The following PSMB4 variants were observed in gnomAD, a reference collection of about 807,000 sequenced individuals.
PSMB4 encodes proteasome subunit beta type-4.
In PSMB4, 16 loss-of-function variants were observed where a neutral mutation model predicts 35.2. That is an observed-to-expected ratio of 0.45 (90% CI 0.31 to 0.69). The LOEUF is 0.69. PSMB4 is among the 30% of genes least tolerant of loss of function. PSMB4 has a pLI of 0.06. For synonymous variants in PSMB4, 144 were observed against 134.1 expected (o/e 1.07, Z -0.51); for missense variants, 333 against 351.8 (o/e 0.95, Z 0.43).
chr1:151,401,142 C>A, intron 4 of PSMB4, 97 bp from the exon 5 acceptor site: 2 of 1,053,054 alleles, frequency 1.9e-6, no homozygotes, highest in South Asian at 1.3e-5. Context: ...AGTAGAATGT[C>A]ATCTTTCACT....
Position 151,401,245 on chromosome 1 carries a change from C to T in PSMB4, c.583C>T (p.Leu195=), listed in dbSNP as rs766279607. The change falls in exon 5 of 7, where the codon CTG becomes TTG. Residue 195 remains leucine (L), a synonymous_variant. Coordinates refer to ENST00000290541, the MANE Select transcript of PSMB4 (RefSeq NM_002796.3). The part of the protein sequence containing the change: ...GYGAYLAQPL[L]REVLEKQPVL... ...TTTCCCCCAATCTCCCTAGCCTCTG[C>T]TGCGAGAAGTTCTGGAGAAGCAGCC... 5 of 1,613,958 alleles carry T rather than the reference C, an allele frequency of 3.1e-6. No homozygotes were observed. Among genetic ancestry groups the T allele is most frequent in the East Asian group, 2.2e-5 (1 of 44,908 alleles).
chr1:151,400,235 G>A (rs1652766204), intron 2 of PSMB4, 48 bp downstream of exon 2: 1 of 1,586,662 alleles, frequency 6.3e-7, no homozygotes, highest in Non-Finnish European at 8.7e-7. Flanking sequence ...AGAGAGGGGA[G>A]TCCCCTGTTT....
In PSMB4 at chr1:151,401,898, A is replaced by G. The variant is rs1235395979; in HGVS notation, c.*69A>G. Reference sequence around the variant, plus strand: ...CTTTGAACTTGGCTAGTTCAAAGATAGACTCTTCTTTTGTAAAGTAAATAA... The same window carrying G: ...CTTTGAACTTGGCTAGTTCAAAGATGGACTCTTCTTTTGTAAAGTAAATAA... On this transcript the variant is annotated 3_prime_UTR_variant, in exon 7 of 7. Transcript: ENST00000290541. 9 of 1,423,698 alleles carry G rather than the reference A, an allele frequency of 6.3e-6. No homozygotes were observed. The highest frequency in any genetic ancestry group is 8.9e-6 in the Non-Finnish European group (9 of 1,011,840). 88.2% of individuals were successfully genotyped at this position (1,423,698 alleles called of 1,614,324 possible). A position where few individuals can be genotyped will look rare whatever the true frequency, so the allele number is the denominator to read the frequency against.
Position 151,401,854 on chromosome 1 carries a change from G to A in PSMB4, c.*25G>A. 2 of 1,604,202 alleles carry A rather than the reference G, an allele frequency of 1.2e-6. No homozygotes were observed. Among genetic ancestry groups the A allele is most frequent in the Non-Finnish European group, 1.7e-6 (2 of 1,171,222 alleles). ...AAATACAGATGCATTATCCAGAACTGAAGTTGCCCTACTTTTAACTTTGAA... is the reference window on the plus strand; with the variant it reads ...AAATACAGATGCATTATCCAGAACTAAAGTTGCCCTACTTTTAACTTTGAA... On this transcript the variant is annotated 3_prime_UTR_variant, in exon 7 of 7. Coordinates refer to ENST00000290541, the MANE Select transcript of PSMB4 (RefSeq NM_002796.3).
chr1:151,401,123 G>A, intron 4 of PSMB4, 116 bp from the exon 5 acceptor site: 1 of 943,182 alleles, frequency 1.1e-6, no homozygotes, highest in Non-Finnish European at 1.7e-6. Context: ...TCATTCTGGT[G>A]AGGCAAGAAG....
rs774149458 is a variant in PSMB4, at chr1:151,399,575, T to C, written c.-13T>C. 10 of 1,595,550 alleles carry C rather than the reference T, an allele frequency of 6.3e-6. No individual in the cohort carries two copies. The highest frequency in any genetic ancestry group is 7.7e-6 in the Non-Finnish European group (9 of 1,173,742). ...GCGCAAGCGCTTTCATTTTTTCTGC[T>C]ACCGTGACTAAGATGGAAGCGTTTT... On this transcript the variant is annotated 5_prime_UTR_variant, in exon 1 of 7. Coordinates refer to ENST00000290541, the MANE Select transcript of PSMB4 (RefSeq NM_002796.3).
intron 6 of PSMB4, 81 bp downstream of exon 6, chr1:151,401,711 C>A: frequency 6.5e-7 from 1 of 1,544,518 alleles, no homozygotes; most frequent in Non-Finnish European, 8.9e-7. Flanking sequence ...GGAGGCTCAC[C>A]CAGGAAAATT....
At position 151,400,528 on chromosome 1, in the gene PSMB4, G is replaced by T; in HGVS notation, c.434G>T (p.Arg145Leu). Residue 145 changes from arginine to leucine, a missense_variant, in exon 3 of 7, where the codon CGC becomes CTC. Arg to Leu is a moderately radical substitution (Grantham distance 102, BLOSUM62 -2). Coordinates refer to ENST00000290541, the MANE Select transcript of PSMB4 (RefSeq NM_002796.3). The part of the protein sequence containing the change: ...SWLTRAMYSR[R>L]SKMNPLWNTM... Reference sequence around the variant, plus strand: ...CTGACCAGGGCCATGTACAGCCGGCGCTCGAAGATGAACCCTTTGTGGAAC... The same window carrying T: ...CTGACCAGGGCCATGTACAGCCGGCTCTCGAAGATGAACCCTTTGTGGAAC... 6.2e-7 allele frequency: 1 copy of T among 1,614,116 alleles called. No homozygotes were observed. The highest frequency in any genetic ancestry group is 8.5e-7 in the Non-Finnish European group (1 of 1,180,030).
At chr1:151,399,839 C>T (rs1652754491) in intron 1 of PSMB4, 112 bp downstream of exon 1, 1 of 1,579,430 alleles carries the variant, frequency 6.3e-7, no homozygotes, top group Admixed American at 1.7e-5. Context: ...GGCGCGCGAA[C>T]GGCAGGGGAG....
Position 151,400,148 on chromosome 1 carries a change from C to G in PSMB4, c.308C>G (p.Ala103Gly), listed in dbSNP as rs769879926. Reference sequence around the variant, plus strand: ...ATGCTGGGTGCCTCTGGCGACTACGCTGATTTCCAGTATTTGAAGCAAGTT... The same window carrying G: ...ATGCTGGGTGCCTCTGGCGACTACGGTGATTTCCAGTATTTGAAGCAAGTT... Reference protein sequence around the residue: ...STMLGASGDYADFQYLKQVLG... With the variant: ...STMLGASGDYGDFQYLKQVLG... Residue 103 changes from alanine (A) to glycine (G), a missense_variant, in exon 2 of 7, where the codon GCT (alanine) becomes GGT (glycine). Coordinates refer to ENST00000290541, the MANE Select transcript of PSMB4 (RefSeq NM_002796.3). The G allele has an allele frequency of 3.1e-6, 5 of 1,614,046 alleles. No homozygotes were observed. The highest frequency in any genetic ancestry group is 2.2e-5 in the South Asian group (2 of 91,084).
chr1:151,400,197 C>T lies in PSMB4; in HGVS notation c.347+10C>T, dbSNP rs775856106. ...TTCTCGGCCAGATGGTGTAAGTCAT[C>T]CAGAGAACAGGAGAGTGGTTCCCAA... On this transcript the variant is annotated intron_variant, in intron 2 of 6. Coordinates refer to ENST00000290541, the MANE Select transcript of PSMB4 (RefSeq NM_002796.3). 5 of 1,612,982 alleles carry T rather than the reference C, an allele frequency of 3.1e-6. No homozygotes were observed. The highest frequency in any genetic ancestry group is 4.2e-6 in the Non-Finnish European group (5 of 1,179,042).
At chr1:151,400,335 T>G in intron 2 of PSMB4, 107 bp from the exon 3 acceptor site, 1 of 1,488,706 alleles carries the variant, frequency 6.7e-7, no homozygotes, top group East Asian at 2.3e-5. Context: ...GCAATAAAGT[T>G]TTTGGCATTA....
At position 151,401,617 on chromosome 1, in the gene PSMB4, GC is replaced by G. The variant is rs753315790; in HGVS notation, c.772del (p.His258ThrfsTer2). Reference sequence around the variant, plus strand: ...GTCTACAGAGACCAACTGGGATATTGCCCACATGATCAGGTGAGTAATAGGG... The same window carrying G: ...GTCTACAGAGACCAACTGGGATATTGCCACATGATCAGGTGAGTAATAGGG... ...PLSTETNWDI[A>X]HMISGFE On this transcript the variant is annotated frameshift_variant, in exon 6 of 7. Coordinates refer to ENST00000290541, the MANE Select transcript of PSMB4 (RefSeq NM_002796.3). LOFTEE classifies it high-confidence loss of function. 1.9e-6 allele frequency: 3 copies of G among 1,607,614 alleles called. No homozygotes were observed. Among genetic ancestry groups the G allele is most frequent in the Admixed American group, 3.3e-5 (2 of 59,990 alleles).
chr1:151,401,321 T>C lies in PSMB4; in HGVS notation c.659T>C (p.Val220Ala). 6.2e-7 allele frequency: 1 copy of C among 1,614,024 alleles called. No homozygotes were observed. The highest frequency in any genetic ancestry group is 8.5e-7 in the Non-Finnish European group (1 of 1,180,010). The change falls in exon 5 of 7, where the codon GTG becomes GCG. Residue 220 changes from valine (V) to alanine (A), a missense_variant. By Grantham distance (64) the Val-to-Ala change is moderately conservative. Coordinates refer to ENST00000290541, the MANE Select transcript of PSMB4 (RefSeq NM_002796.3). ...GACTTAGTAGAACGCTGCATGCGAG[T>C]GCTGTACTACCGAGATGCCCGTTCT... ...ARDLVERCMR[V>A]LYYRDARSYN... is the part of the protein sequence containing the mutation.
chr1:151,401,323 C>T lies in PSMB4; in HGVS notation c.661C>T (p.Leu221=). ...CTTAGTAGAACGCTGCATGCGAGTG[C>T]TGTACTACCGAGATGCCCGTTCTTA... ...RDLVERCMRV[L]YYRDARSYNR... is the part of the protein sequence containing the mutation. The change falls in exon 5 of 7, where the codon CTG becomes TTG. Residue 221 remains leucine, a synonymous_variant. Coordinates refer to ENST00000290541, the MANE Select transcript of PSMB4 (RefSeq NM_002796.3). 6.2e-7 allele frequency: 1 copy of T among 1,614,138 alleles called. No individual in the cohort carries two copies. The highest frequency in any genetic ancestry group is 8.5e-7 in the Non-Finnish European group (1 of 1,180,022).
In PSMB4 at chr1:151,400,817, C is replaced by T. The variant is rs748519387; in HGVS notation, c.548C>T (p.Ala183Val). The change falls in exon 4 of 7, where the codon GCC (alanine) becomes GTC (valine). Residue 183 changes from alanine (A) to valine (V), a missense_variant. Coordinates refer to ENST00000290541, the MANE Select transcript of PSMB4 (RefSeq NM_002796.3). Reference protein sequence around the residue: ...LGVAYEAPSLATGYGAYLAQP... With the variant: ...LGVAYEAPSLVTGYGAYLAQP... ...GTAGCCTATGAAGCCCCTTCGCTGGCCACTGGTTATGGTGCATACTTGGCT... is the reference window on the plus strand; with the variant it reads ...GTAGCCTATGAAGCCCCTTCGCTGGTCACTGGTTATGGTGCATACTTGGCT... The T allele has an allele frequency of 1.9e-6, 3 of 1,614,136 alleles. No homozygotes were observed. The South Asian group carries it at 3.3e-5, about 18-fold the overall frequency.
intron 6 of PSMB4, 87 bp from the exon 7 acceptor site, chr1:151,401,730 G>A: frequency 1.9e-6 from 3 of 1,551,436 alleles, no homozygotes; most frequent in South Asian, 1.1e-5. Flanking sequence ...TTTTCTGGGT[G>A]GAAAGTTTTG....
At position 151,400,083 on chromosome 1, in the gene PSMB4, C is replaced by T. The variant is rs1571304897; in HGVS notation, c.243C>T (p.Phe81=). ...GATCCTACGGCTCCTTGGCTCGTTT[C>T]CGCAACATCTCTCGCATTATGCGAG... The part of the protein sequence containing the change: ...MLGSYGSLAR[F]RNISRIMRVN... Residue 81 remains phenylalanine, a synonymous_variant, in exon 2 of 7, where the codon TTC becomes TTT. Coordinates refer to ENST00000290541, the MANE Select transcript of PSMB4 (RefSeq NM_002796.3). 6.2e-7 allele frequency: 1 copy of T among 1,614,028 alleles called. No homozygotes were observed. Among genetic ancestry groups the T allele is most frequent in the African/African-American group, 1.3e-5 (1 of 74,908 alleles).
chr1:151,399,947 C>T (rs772931271), intron 1 of PSMB4, 34 bp from the exon 2 acceptor site: 2 of 1,596,172 alleles, frequency 1.3e-6, no homozygotes, highest in South Asian at 1.1e-5. Context: ...GCAGTCCATC[C>T]CCCCTCTCAG....
Sources: gnomAD v4.1 joint callset for allele counts on GRCh38, gnomAD v4.1.1 for gene constraint, MANE v1.5 for transcripts, NCBI Gene and HGNC (gene_info 2026-07-23, HGNC 2026-07-21) for gene names.